The following CNTNAP5 variants were observed in gnomAD, a reference collection of about 807,000 sequenced individuals.
CNTNAP5 encodes the protein contactin-associated protein-like 5.
In CNTNAP5, 72 loss-of-function variants were observed where a neutral mutation model predicts 150.2. The ratio of observed to expected loss-of-function variants is 0.48; its 90% CI spans 0.40 to 0.58. The LOEUF is 0.58. Ranked by LOEUF, CNTNAP5 falls within the 20% of genes least tolerant of loss-of-function variation. The pLI, the probability that CNTNAP5 is intolerant of heterozygous loss-of-function variation, is 0.00. For missense variants in CNTNAP5, 1,636 were observed against 1,626.2 expected (o/e 1.01, Z -0.10); for synonymous variants, 672 against 619.8 (o/e 1.08, Z -1.25).
At chr2:124,178,126 C>A (rs935532347) in intron 1 of CNTNAP5, among the ~76,000 whole-genome samples, 1 of 152,100 alleles carries the variant, frequency 6.6e-6, no homozygotes, top group Non-Finnish European at 1.5e-5. Context: ...GGATTACAGA[C>A]CTGAGCCACC....
chr2:124,040,969 CA>C (rs1375425977), intron 1 of CNTNAP5, among the ~76,000 whole-genome samples: 1 of 152,086 alleles, frequency 6.6e-6, no homozygotes, highest in Non-Finnish European at 1.5e-5. Flanking sequence ...TTGTCCTTTA[CA>C]AACAAGGAGT....
intron 5 of CNTNAP5, among the ~76,000 whole-genome samples, chr2:124,442,286 AAGGGT>A (rs1692694650): frequency 2.0e-5 from 3 of 152,112 alleles, no homozygotes; most frequent in Non-Finnish European, 4.4e-5. Flanking sequence ...TGGATGCAAG[AAGGGT>A]ACAGTGAACA....
rs918461409 is a variant in CNTNAP5, at chr2:124,176,946, G to C, written c.83-44759G>C. Among the ~76,000 whole-genome samples, 5 of 148,772 alleles carry C rather than the reference G, an allele frequency of 3.4e-5. No individual in the cohort carries two copies. In the East Asian group the frequency reaches 9.9e-4, roughly 29 times the overall value. On this transcript the variant is annotated intron_variant, in intron 1 of 23. Transcript: ENST00000682447. ...TGCAACTTCTGCCTCCTGGGTTCAA[G>C]CAATTATCTTGCCTCAGCCTCCCAA...
At chr2:124,630,729 C>A (rs1024795147) in intron 12 of CNTNAP5, among the ~76,000 whole-genome samples, 2 of 152,018 alleles carry the variant, frequency 1.3e-5, no homozygotes, top group African/African-American at 4.8e-5. Context: ...CTGGCCAGGG[C>A]AATCAGGCAA....
rs76662847 is a variant in CNTNAP5, at chr2:124,614,538, C to T, written c.1876+4618C>T. On this transcript the variant is annotated intron_variant, in intron 12 of 23. Transcript: ENST00000682447. ...TTTCCAGGAAAGTGGTGGGCAGTTC[C>T]CAGGACTGAGGGTTTCTCCCCTTTT... Among the ~76,000 whole-genome samples, 93 of 152,210 alleles carry T rather than the reference C, an allele frequency of 6.1e-4. 2 individuals are homozygous for T. The East Asian group carries it at 0.017, about 28-fold the overall frequency.
intron 21 of CNTNAP5, among the ~76,000 whole-genome samples, chr2:124,902,410 T>C (rs369885985): frequency 6.6e-6 from 1 of 152,174 alleles, no homozygotes. Context: ...AAGGACAACA[T>C]TGACTTCTAA....
At chr2:124,671,215 G>C (rs1678816947) in intron 13 of CNTNAP5, among the ~76,000 whole-genome samples, 1 of 152,162 alleles carries the variant, frequency 6.6e-6, no homozygotes, top group Non-Finnish European at 1.5e-5. Context: ...CCTCTTCATG[G>C]TGTTAAGCTA....
In CNTNAP5 at chr2:124,916,766, T is replaced by C. The variant is rs915208249; in HGVS notation, c.*2478T>C. The stretch of plus-strand genomic sequence containing the variant: ...ATCTTCCTCACGTGTGTAGACTCCA[T>C]GCACACTACATACCACAGACCTAAA... On this transcript the variant is annotated 3_prime_UTR_variant, in exon 24 of 24. Coordinates refer to ENST00000682447, the MANE Select transcript of CNTNAP5 (RefSeq NM_001367498.1). Among the ~76,000 whole-genome samples, 3 of 152,102 alleles carry C rather than the reference T, an allele frequency of 2.0e-5. No homozygotes were observed. Among genetic ancestry groups the C allele is most frequent in the East Asian group, 1.9e-4 (1 of 5,142 alleles).
chr2:124,826,583 G>T (rs961802222), intron 19 of CNTNAP5, among the ~76,000 whole-genome samples: 3 of 152,052 alleles, frequency 2.0e-5, no homozygotes, highest in African/African-American at 7.2e-5. Flanking sequence ...GTGGTCTCTG[G>T]ACCAACAGAA....
chr2:124,431,151 T>G (rs144109565), intron 4 of CNTNAP5, among the ~76,000 whole-genome samples: 1 of 152,152 alleles, frequency 6.6e-6, no homozygotes, highest in African/African-American at 2.4e-5. Context: ...CTAGGTCTCA[T>G]GACAACGTGG....
chr2:124,914,133 G>A lies in CNTNAP5; in HGVS notation c.3769G>A (p.Gly1257Ser), dbSNP rs368272819. 42 of 1,612,206 alleles carry A rather than the reference G, an allele frequency of 2.6e-5. No homozygotes were observed. The highest frequency in any genetic ancestry group is 3.2e-5 in the Non-Finnish European group (38 of 1,178,970). ...GATATTCATCATCTTCTGTATCATC[G>A]GCATCATGACCCGGTTCCTCTACCA... is the stretch of plus-strand genomic sequence containing the variant. ...VVIFIIFCII[G>S]IMTRFLYQHK... Residue 1257 changes from glycine (G) to serine (S), a missense_variant, in exon 24 of 24, where the codon GGC (glycine) becomes AGC (serine). Gly to Ser is a moderately conservative substitution (Grantham distance 56). Transcript: ENST00000682447.
chr2:124,652,776 C>T (rs1044364548), intron 13 of CNTNAP5, among the ~76,000 whole-genome samples: 1 of 152,128 alleles, frequency 6.6e-6, no homozygotes, highest in African/African-American at 2.4e-5. Flanking sequence ...CACTGGATTC[C>T]GTCATTAGGG....
intron 21 of CNTNAP5, among the ~76,000 whole-genome samples, chr2:124,877,622 CTG>C (rs1235320935): frequency 5.3e-5 from 8 of 152,122 alleles, no homozygotes; most frequent in Non-Finnish European, 1.2e-4. Context: ...AGCAAAAAAA[CTG>C]TCCTTGTTCT....
rs1280851827 is a variant in CNTNAP5, at chr2:124,713,243, C to CTTTCTTTCTTTCTT, written c.2078-33985_2078-33984insTTCTTTCTTTCTTT. Among the ~76,000 whole-genome samples, 39 of 65,194 alleles carry CTTTCTTTCTTTCTT rather than the reference C, an allele frequency of 6.0e-4. 3 individuals carry two copies. The highest frequency in any genetic ancestry group is 8.7e-4 in the Non-Finnish European group (27 of 31,012). The allele number at this position is 65,194 out of a possible 152,430, so 42.8% of individuals were successfully genotyped here. ...TGTTTCTTTCTTTCTTTCTTTCTTT[C>CTTTCTTTCTTTCTT]TCTTTCTTTCTTTCTTTCTTTCTTT... On this transcript the variant is annotated intron_variant, in intron 13 of 23. Coordinates refer to ENST00000682447, the MANE Select transcript of CNTNAP5 (RefSeq NM_001367498.1).
At chr2:124,888,914 C>A (rs964596769) in intron 21 of CNTNAP5, among the ~76,000 whole-genome samples, 16 of 151,784 alleles carry the variant, frequency 1.1e-4, no homozygotes, top group African/African-American at 3.6e-4. Context: ...CTGTTGATTT[C>A]TTTTGCTGTG....
chr2:124,747,763 G>A (rs1322630325), intron 14 of CNTNAP5, among the ~76,000 whole-genome samples: 2 of 135,182 alleles, frequency 1.5e-5, no homozygotes, highest in Non-Finnish European at 3.1e-5. Flanking sequence ...GGGAGCAAAA[G>A]CACATGCCAC....
chr2:124,046,707 C>A (rs1328707366), intron 1 of CNTNAP5, among the ~76,000 whole-genome samples: 1 of 151,832 alleles, frequency 6.6e-6, no homozygotes, highest in African/African-American at 2.4e-5. Flanking sequence ...CATTTTCGTA[C>A]AAGAAAAGAA....
At chr2:124,187,541 A>C (rs1163797979) in intron 1 of CNTNAP5, among the ~76,000 whole-genome samples, 1 of 152,180 alleles carries the variant, frequency 6.6e-6, no homozygotes, top group Non-Finnish European at 1.5e-5. Context: ...TTGAATTTTG[A>C]ACGAGTAAAA....
chr2:124,400,669 G>GTTTTTTTTTTTTTTTTTTTTTT (rs760418441), intron 3 of CNTNAP5, among the ~76,000 whole-genome samples: 7 of 84,486 alleles, frequency 8.3e-5, no homozygotes, highest in African/African-American at 2.6e-4. Context: ...TAAAGGCATT[G>GTTTTTTTTTTTTTTTTTTTTTT]TTTTTTTTTT....
Sources: allele counts gnomAD v4.1 joint callset (sites outside exome capture counted in the v4.1 genomes callset), GRCh38; gene constraint gnomAD v4.1.1; transcripts MANE v1.5; gene names NCBI Gene and HGNC (gene_info 2026-07-23, HGNC 2026-07-21).